AR: variants seen among roughly 807,000 people sequenced by gnomAD.
The protein encoded by AR is dihydrotestosterone receptor.
A neutral mutation model predicts 53.9 loss-of-function variants in AR; 8 were observed. The observed-to-expected ratio is 0.15, with a 90% confidence interval of 0.09 to 0.27. The LOEUF is 0.27. AR is among the 10% of genes least tolerant of loss of function. AR has a pLI of 1.00. For missense variants in AR, 639 were observed against 742.5 expected (o/e 0.86, Z 1.62); for synonymous variants, 359 against 316.4 (o/e 1.13, Z -1.43).
intron 2 of AR, among the ~76,000 whole-genome samples, chrX:67,647,371 C>T (rs757903302): frequency 8.9e-6 from 1 of 111,742 alleles, no homozygotes; most frequent in Admixed American, 9.6e-5. Flanking sequence ...GGAAGAAATG[C>T]AAGTGAACCC....
intron 4 of AR, among the ~76,000 whole-genome samples, chrX:67,714,131 G>A (rs954702231): frequency 9.0e-6 from 1 of 111,703 alleles, no homozygotes; most frequent in Non-Finnish European, 1.9e-5. Flanking sequence ...TTTGGAGTGG[G>A]TGAGTAGACT....
rs776887144 is a variant in AR at position 67,546,196 on chromosome X, C to T, written c.1050C>T (p.Ser350=). 1 of 1,211,926 alleles carries T rather than the reference C, an allele frequency of 8.3e-7. No homozygotes were observed. Among genetic ancestry groups the T allele is most frequent in the Non-Finnish European group, 1.1e-6 (1 of 895,511 alleles). Residue 350 remains serine (S), a synonymous_variant, in exon 1 of 8, where the codon TCC becomes TCT. Coordinates refer to ENST00000374690, the MANE Select transcript of AR (RefSeq NM_000044.6). ...CGTCTACCCTGTCTCTCTACAAGTCCGGAGCACTGGACGAGGCAGCTGCGT... is the reference window on the plus strand; with the variant it reads ...CGTCTACCCTGTCTCTCTACAAGTCTGGAGCACTGGACGAGGCAGCTGCGT... ...ELPSTLSLYK[S]GALDEAAAYQ...
At chrX:67,565,546 G>A (rs1921521923) in intron 1 of AR, among the ~76,000 whole-genome samples, 1 of 111,762 alleles carries the variant, frequency 8.9e-6, no homozygotes, top group African/African-American at 3.3e-5. Context: ...AGTACTTTCA[G>A]ACACATTATC....
chrX:67,708,499 C>A (rs748511766), intron 3 of AR, among the ~76,000 whole-genome samples: 2 of 111,986 alleles, frequency 1.8e-5, no homozygotes, highest in South Asian at 7.4e-4. Flanking sequence ...TCCATCAGGT[C>A]ATTTAAGGCC....
At chrX:67,558,484 TTACCCTTC>T (rs1921152581) in intron 1 of AR, among the ~76,000 whole-genome samples, 1 of 111,830 alleles carries the variant, frequency 8.9e-6, no homozygotes, top group Non-Finnish European at 1.9e-5. Flanking sequence ...GCTTCTCAGA[TTACCCTTC>T]ACCTTTACCA....
intron 1 of AR, among the ~76,000 whole-genome samples, chrX:67,624,904 C>CAAAAAAAAAA (rs140323582): frequency 4.9e-4 from 9 of 18,186 alleles, no homozygotes; most frequent in African/African-American, 1.1e-3. Context: ...GGCAATTAGG[C>CAAAAAAAAAA]AAAAAAAAAA....
At chrX:67,673,765 C>T (rs747553451) in intron 2 of AR, among the ~76,000 whole-genome samples, 7 of 111,097 alleles carry the variant, frequency 6.3e-5, no homozygotes, top group Non-Finnish European at 1.1e-4. Context: ...GGTCACATAT[C>T]TCTATTTTTC....
At chrX:67,647,693 A>G (rs1926119967) in intron 2 of AR, among the ~76,000 whole-genome samples, 1 of 111,780 alleles carries the variant, frequency 8.9e-6, no homozygotes, top group Admixed American at 9.5e-5. Flanking sequence ...TAAATGTCAC[A>G]GACAGACTTT....
chrX:67,551,879 G>T (rs1471327796), intron 1 of AR, among the ~76,000 whole-genome samples: 1 of 111,563 alleles, frequency 9.0e-6, no homozygotes, highest in Non-Finnish European at 1.9e-5. Context: ...CTCTCTCATG[G>T]CAATTCTTGC....
intron 1 of AR, among the ~76,000 whole-genome samples, chrX:67,604,198 A>ATGTGTG (rs72092334): frequency 0.027 from 2,087 of 78,097 alleles, 50 homozygotes; most frequent in Middle Eastern, 0.072. Context: ...GGGGAGAAAT[A>ATGTGTG]TGTGTGTGTG....
At chrX:67,640,389 G>T (rs1287017952) in intron 1 of AR, among the ~76,000 whole-genome samples, 2 of 111,301 alleles carry the variant, frequency 1.8e-5, no homozygotes. Flanking sequence ...GTTTCGGAAG[G>T]AATGGTACCA....
intron 1 of AR, among the ~76,000 whole-genome samples, chrX:67,588,023 G>A (rs1922641836): frequency 9.0e-6 from 1 of 111,510 alleles, no homozygotes; most frequent in Non-Finnish European, 1.9e-5. Context: ...AAGGCCCCCT[G>A]TGTTCCACTC....
chrX:67,703,829 T>G (rs902820776), intron 3 of AR, among the ~76,000 whole-genome samples: 1 of 110,958 alleles, frequency 9.0e-6, no homozygotes, highest in Non-Finnish European at 1.9e-5. Context: ...CAGTGTGTGA[T>G]GTTCCCCTTC....
intron 1 of AR, among the ~76,000 whole-genome samples, chrX:67,625,556 C>T (rs762259451): frequency 4.6e-4 from 51 of 111,574 alleles, no homozygotes; most frequent in Admixed American, 1.1e-3. Context: ...TAAGGACAAA[C>T]AGATCAATAA....
intron 5 of AR, among the ~76,000 whole-genome samples, chrX:67,718,208 C>T (rs779143836): frequency 9.0e-6 from 1 of 111,633 alleles, no homozygotes. Context: ...AAGATTCAAA[C>T]GTATGTCCCT....
intron 1 of AR, among the ~76,000 whole-genome samples, chrX:67,608,752 AT>A (rs1193965749): frequency 3.6e-5 from 4 of 111,887 alleles, no homozygotes; most frequent in Non-Finnish European, 5.6e-5. Flanking sequence ...ATATTTAACC[AT>A]TTTTATTTTC....
At chrX:67,648,833 C>T (rs1039485210) in intron 2 of AR, among the ~76,000 whole-genome samples, 6 of 112,155 alleles carry the variant, frequency 5.3e-5, no homozygotes, top group Non-Finnish European at 5.6e-5. Context: ...GAGTCCATTG[C>T]CTTCTGCTAC....
intron 3 of AR, chrX:67,696,091 T>C (rs1401685409): frequency 8.0e-6 from 6 of 748,405 alleles, no homozygotes; most frequent in Non-Finnish European, 9.4e-6. Flanking sequence ...TATTTTCTTA[T>C]TTACAACAGA....
intron 3 of AR, among the ~76,000 whole-genome samples, chrX:67,704,961 C>T (rs192474468): frequency 2.7e-4 from 30 of 111,512 alleles, no homozygotes; most frequent in South Asian, 7.6e-4. Flanking sequence ...GTTGTAGATA[C>T]GCAGCATTAT....
Sources: gnomAD v4.1 joint callset for allele counts (sites outside exome capture counted in the v4.1 genomes callset) on GRCh38, gnomAD v4.1.1 for gene constraint, MANE v1.5 for transcripts, NCBI Gene and HGNC (gene_info 2026-07-23, HGNC 2026-07-21) for gene names.